Variants in RIC1 observed in about 807,000 individuals in gnomAD.
The protein encoded by RIC1 is guanine nucleotide exchange factor subunit RIC1.
A neutral mutation model predicts 169.0 loss-of-function variants in RIC1; 88 were observed. That is an observed-to-expected ratio of 0.52 (90% CI 0.44 to 0.62). The LOEUF (loss-of-function observed/expected upper bound fraction) is 0.62. Among genes scored for constraint, RIC1 ranks in the 20% least tolerant of loss-of-function variants. RIC1 has a pLI of 0.00. For synonymous variants in RIC1, 790 were observed against 601.5 expected, an observed-to-expected ratio of 1.31 and a Z score of -4.59; for missense variants, 1,877 against 1,725.5, an observed-to-expected ratio of 1.09 and a Z score of -1.56.
rs112702873 is a variant in RIC1, at chr9:5,664,108, C to T, written c.252+7418C>T. On this transcript the variant is annotated intron_variant, in intron 2 of 25. Coordinates refer to ENST00000414202, the MANE Select transcript of RIC1 (RefSeq NM_020829.4). ...GAAATTCTGGGTTGGAAATTCTTTA[C>T]TTTAAGAATGTTTAATATTGGCCAG... Among the ~76,000 whole-genome samples, 763 of 152,190 alleles carry T rather than the reference C, an allele frequency of 5.0e-3. 8 individuals are homozygous for T. Among genetic ancestry groups the T allele is most frequent in the African/African-American group, 0.017 (721 of 41,520 alleles).
chr9:5,756,458 T>C, intron 16 of RIC1, 86 bp downstream of exon 16: 1 of 900,950 alleles, frequency 1.1e-6, no homozygotes, highest in Non-Finnish European at 1.5e-6. Flanking sequence ...AAAACAGTTA[T>C]TCCACTTTTA....
intron 4 of RIC1, among the ~76,000 whole-genome samples, chr9:5,717,184 ATTTG>A (rs1347016364): frequency 6.6e-6 from 1 of 152,060 alleles, no homozygotes; most frequent in Non-Finnish European, 1.5e-5. Flanking sequence ...CTGGCCAGTC[ATTTG>A]TTTGTTGCAG....
chr9:5,708,742 C>T (rs1822752854), intron 3 of RIC1, among the ~76,000 whole-genome samples: 1 of 152,130 alleles, frequency 6.6e-6, no homozygotes, highest in East Asian at 1.9e-4. Flanking sequence ...AAAATTTATC[C>T]TACTTGGAGT....
chr9:5,655,744 C>G (rs1466349221), intron 1 of RIC1, among the ~76,000 whole-genome samples: 3 of 152,042 alleles, frequency 2.0e-5, no homozygotes, highest in Non-Finnish European at 2.9e-5. Context: ...GCTTGTATTT[C>G]TGGGGTATAT....
chr9:5,773,161 G>C (rs1424900856), intron 25 of RIC1, 81 bp downstream of exon 25: 2 of 639,816 alleles, frequency 3.1e-6, no homozygotes, highest in Non-Finnish European at 4.8e-6. Flanking sequence ...GCCTAGTTAT[G>C]GTTCATGTGT....
At chr9:5,687,257 C>G (rs1006329448) in intron 2 of RIC1, among the ~76,000 whole-genome samples, 1 of 151,948 alleles carries the variant, frequency 6.6e-6, no homozygotes, top group African/African-American at 2.4e-5. Flanking sequence ...TTTTAGTGAT[C>G]TTCTAAAACA....
intron 1 of RIC1, among the ~76,000 whole-genome samples, chr9:5,641,091 GTCT>G (rs1486404347): frequency 4.0e-5 from 6 of 149,278 alleles, no homozygotes; most frequent in Admixed American, 6.7e-5. Context: ...CCATAAGGTA[GTCT>G]TCTTTTTTTT....
intron 2 of RIC1, among the ~76,000 whole-genome samples, chr9:5,658,264 C>G (rs1398796715): frequency 1.3e-5 from 2 of 152,010 alleles, no homozygotes; most frequent in Non-Finnish European, 2.9e-5. Context: ...TTCAATGGCA[C>G]TATAGCTATG....
At chr9:5,768,929 G>A in intron 21 of RIC1, 41 bp from the exon 22 acceptor site, 1 of 1,560,632 alleles carries the variant, frequency 6.4e-7, no homozygotes, top group Non-Finnish European at 8.6e-7. Flanking sequence ...AAATCCTCCA[G>A]TAAAGATTAT....
chr9:5,652,682 A>T (rs988503290), intron 1 of RIC1, among the ~76,000 whole-genome samples: 2 of 133,548 alleles, frequency 1.5e-5, no homozygotes, highest in Non-Finnish European at 3.3e-5. Context: ...ATTAATTTGG[A>T]TACTTTTTAT....
intron 1 of RIC1, among the ~76,000 whole-genome samples, chr9:5,654,752 C>T (rs554973149): frequency 1.3e-5 from 2 of 152,184 alleles, no homozygotes; most frequent in East Asian, 3.9e-4. Context: ...TGGGTTTCAC[C>T]ATGTTGGCCA....
intron 8 of RIC1, among the ~76,000 whole-genome samples, chr9:5,738,779 G>A (rs1824893367): frequency 6.6e-6 from 1 of 151,798 alleles, no homozygotes; most frequent in Admixed American, 6.6e-5. Context: ...TAAATTAAGT[G>A]GGAATGCAGT....
chr9:5,649,759 C>T (rs1452952686), intron 1 of RIC1, among the ~76,000 whole-genome samples: 1 of 147,848 alleles, frequency 6.8e-6, no homozygotes, highest in Non-Finnish European at 1.5e-5. Context: ...TTTCACATTA[C>T]TTGTATACTT....
At chr9:5,694,047 C>T (rs1821747467) in intron 3 of RIC1, among the ~76,000 whole-genome samples, 1 of 152,136 alleles carries the variant, frequency 6.6e-6, no homozygotes, top group Non-Finnish European at 1.5e-5. Context: ...CCTCCACCCT[C>T]CCCATATAAT....
chr9:5,683,582 A>C (rs138072159), intron 2 of RIC1, among the ~76,000 whole-genome samples: 9 of 152,066 alleles, frequency 5.9e-5, no homozygotes, highest in Non-Finnish European at 1.0e-4. Flanking sequence ...CAGTTATGCT[A>C]CTCAGGGGTC....
intron 2 of RIC1, among the ~76,000 whole-genome samples, chr9:5,685,757 A>G (rs1821180578): frequency 1.3e-5 from 2 of 149,154 alleles, no homozygotes; most frequent in African/African-American, 2.5e-5. Flanking sequence ...AATGGCAACA[A>G]AAGCCAAAAT....
chr9:5,745,036 C>A (rs1456049885), intron 10 of RIC1, among the ~76,000 whole-genome samples: 1 of 152,162 alleles, frequency 6.6e-6, no homozygotes, highest in Admixed American at 6.6e-5. Flanking sequence ...CTTCTGATGT[C>A]TTTGCCCACC....
At chr9:5,669,672 A>G (rs992053602) in intron 2 of RIC1, among the ~76,000 whole-genome samples, 26 of 152,220 alleles carry the variant, frequency 1.7e-4, no homozygotes, top group African/African-American at 5.5e-4. Flanking sequence ...TTTGGGGACT[A>G]TCGCAGTATA....
At chr9:5,638,202 G>C (rs1371909727) in intron 1 of RIC1, among the ~76,000 whole-genome samples, 3 of 152,152 alleles carry the variant, frequency 2.0e-5, no homozygotes, top group African/African-American at 4.8e-5. Context: ...AATACCACTT[G>C]TTCATGATGA....
Sources: allele counts gnomAD v4.1 joint callset (sites outside exome capture counted in the v4.1 genomes callset), GRCh38; gene constraint gnomAD v4.1.1; transcripts MANE v1.5; gene names NCBI Gene and HGNC (gene_info 2026-07-23, HGNC 2026-07-21).